The following TM4SF4 variants were observed in gnomAD, a reference collection of about 807,000 sequenced individuals.
TM4SF4 encodes the protein transmembrane 4 L6 family member 4.
Under a neutral mutation model 24.1 loss-of-function variants are expected in TM4SF4, and 24 were observed. The ratio of observed to expected loss-of-function variants is 1.00; its 90% CI spans 0.72 to 1.40. The LOEUF is 1.40. Among genes scored for constraint, TM4SF4 ranks in the 40% most tolerant of loss-of-function variants. TM4SF4 has a pLI of 0.00. For synonymous variants in TM4SF4, 113 were observed against 97.0 expected (o/e 1.17, Z -0.97); for missense variants, 254 against 254.2 (o/e 1.00, Z 0.01).
At chr3:149,488,916 G>A (rs533254037) in intron 3 of TM4SF4, among the ~76,000 whole-genome samples, 2 of 152,194 alleles carry the variant, frequency 1.3e-5, no homozygotes, top group South Asian at 4.2e-4. Context: ...AAACCTCTAC[G>A]TATTCATTTA....
At chr3:149,479,493 C>T (rs954231503) in intron 2 of TM4SF4, among the ~76,000 whole-genome samples, 1 of 151,898 alleles carries the variant, frequency 6.6e-6, no homozygotes, top group Non-Finnish European at 1.5e-5. Flanking sequence ...GCTACAGGTG[C>T]TCACCACCTC....
intron 3 of TM4SF4, among the ~76,000 whole-genome samples, chr3:149,496,868 T>A (rs1734320686): frequency 1.6e-5 from 2 of 123,604 alleles, no homozygotes; most frequent in Non-Finnish European, 3.9e-5. Context: ...GTTATATAGA[T>A]TAAAAAAAAA....
chr3:149,494,840 A>C (rs1049175936), intron 3 of TM4SF4: 1 of 152,698 alleles, frequency 6.5e-6, no homozygotes, highest in Non-Finnish European at 1.5e-5. Flanking sequence ...TTGGGTCTTG[A>C]ATAAATGGTA....
intron 3 of TM4SF4, among the ~76,000 whole-genome samples, chr3:149,493,146 A>C (rs1487626628): frequency 6.6e-6 from 1 of 152,216 alleles, no homozygotes; most frequent in African/African-American, 2.4e-5. Flanking sequence ...TATGAATATA[A>C]AGTATTATGG....
intron 2 of TM4SF4, among the ~76,000 whole-genome samples, chr3:149,479,389 T>TG (rs771735719): frequency 7.3e-4 from 110 of 151,418 alleles, no homozygotes; most frequent in Admixed American, 1.3e-3. Context: ...TTGAGGTTAT[T>TG]GGGGGGTCTC....
intron 2 of TM4SF4, 129 bp from the exon 3 acceptor site, chr3:149,487,490 A>T: frequency 2.8e-6 from 3 of 1,085,646 alleles, no homozygotes; most frequent in Non-Finnish European, 4.0e-6. Flanking sequence ...GGCCCCATCT[A>T]CTATAAAGAC....
At chr3:149,486,422 A>T (rs931648697) in intron 2 of TM4SF4, among the ~76,000 whole-genome samples, 1 of 152,216 alleles carries the variant, frequency 6.6e-6, no homozygotes, top group African/African-American at 2.4e-5. Flanking sequence ...TCATCAAAGC[A>T]ACAGAGGTGA....
chr3:149,476,264 C>T (rs1038035662), intron 2 of TM4SF4, among the ~76,000 whole-genome samples: 1 of 152,208 alleles, frequency 6.6e-6, no homozygotes, highest in African/African-American at 2.4e-5. Context: ...TTGGACAAGT[C>T]ATTTCCCTTT....
intron 3 of TM4SF4, among the ~76,000 whole-genome samples, chr3:149,493,612 G>C (rs1173188709): frequency 6.6e-6 from 1 of 152,232 alleles, no homozygotes; most frequent in African/African-American, 2.4e-5. Flanking sequence ...TGGCACTAGA[G>C]GACCCAGGAA....
chr3:149,494,030 T>C (rs146880067), intron 3 of TM4SF4, among the ~76,000 whole-genome samples: 70 of 152,330 alleles, frequency 4.6e-4, no homozygotes, highest in African/African-American at 1.6e-3. Flanking sequence ...TGCATAATAA[T>C]TGGATGCTTT....
At chr3:149,499,831 C>T (rs1734384604) in intron 4 of TM4SF4, among the ~76,000 whole-genome samples, 2 of 151,482 alleles carry the variant, frequency 1.3e-5, no homozygotes, top group African/African-American at 4.9e-5. Context: ...GCCGAGATCT[C>T]ACCACCGCAC....
At chr3:149,489,746 C>A (rs1390092148) in intron 3 of TM4SF4, among the ~76,000 whole-genome samples, 1 of 152,144 alleles carries the variant, frequency 6.6e-6, no homozygotes, top group South Asian at 2.1e-4. Flanking sequence ...GTAATAGATG[C>A]TTTCAAATAT....
In TM4SF4 at chr3:149,498,900, G is replaced by T; in HGVS notation, c.580G>T (p.Gly194Cys). The change falls in exon 4 of 5, where the codon GGC becomes TGC. Residue 194 changes from glycine (G) to cysteine (C), a missense_variant. By Grantham distance (159) the Gly-to-Cys change is radical (BLOSUM62 -3). Coordinates refer to ENST00000305354, the MANE Select transcript of TM4SF4 (RefSeq NM_004617.4). Reference sequence around the variant, plus strand: ...CCTCTGTGGGGACTGCCAGTGTTGTGGCTGCTGTGGGGTAAGTTCAGGCTT... The same window carrying T: ...CCTCTGTGGGGACTGCCAGTGTTGTTGCTGCTGTGGGGTAAGTTCAGGCTT... Reference protein sequence around the residue: ...GTLCGDCQCCGCCGGDGPV With the variant: ...GTLCGDCQCCCCCGGDGPV The T allele has an allele frequency of 6.2e-7, 1 of 1,613,848 alleles. No individual in the cohort carries two copies. The highest frequency in any genetic ancestry group is 8.5e-7 in the Non-Finnish European group (1 of 1,179,798).
intron 4 of TM4SF4, among the ~76,000 whole-genome samples, chr3:149,499,959 C>T (rs1734387533): frequency 6.6e-6 from 1 of 152,148 alleles, no homozygotes; most frequent in African/African-American, 2.4e-5. Flanking sequence ...TGTATACACA[C>T]ACAGAGAAAT....
intron 3 of TM4SF4, among the ~76,000 whole-genome samples, chr3:149,489,926 A>G (rs1734182952): frequency 6.6e-6 from 1 of 152,052 alleles, no homozygotes; most frequent in African/African-American, 2.4e-5. Context: ...TAATTACCTG[A>G]AGGGAGAATG....
chr3:149,487,161 A>G (rs1036731720), intron 2 of TM4SF4, among the ~76,000 whole-genome samples: 5 of 152,214 alleles, frequency 3.3e-5, no homozygotes, highest in African/African-American at 1.2e-4. Context: ...AGGCTGAGGC[A>G]GGAGAATCCC....
chr3:149,497,531 C>A (rs917877807), intron 3 of TM4SF4, among the ~76,000 whole-genome samples: 1 of 152,102 alleles, frequency 6.6e-6, no homozygotes. Context: ...ACAAAGAGAC[C>A]AATTTGGGGC....
chr3:149,481,695 C>A (rs1338572892), intron 2 of TM4SF4, among the ~76,000 whole-genome samples: 2 of 152,164 alleles, frequency 1.3e-5, no homozygotes, highest in African/African-American at 4.8e-5. Context: ...TCTGATGGTA[C>A]CTGTCTGTCT....
chr3:149,502,640 TG>T, intron 4 of TM4SF4, 35 bp from the exon 5 acceptor site: 1 of 1,559,842 alleles, frequency 6.4e-7, no homozygotes, highest in Non-Finnish European at 8.8e-7. Context: ...ACATAAATCA[TG>T]ACATCATAGT....
Sources: allele counts gnomAD v4.1 joint callset (sites outside exome capture counted in the v4.1 genomes callset), GRCh38; gene constraint gnomAD v4.1.1; transcripts MANE v1.5; gene names NCBI Gene and HGNC (gene_info 2026-07-23, HGNC 2026-07-21).